Variants in AXDND1 observed in about 807,000 individuals in gnomAD.
AXDND1 encodes the protein axonemal dynein light chain domain-containing protein 1.
AXDND1 carries 110 observed loss-of-function variants against 137.5 expected under a neutral mutation model. The ratio of observed to expected loss-of-function variants is 0.80; its 90% confidence interval spans 0.69 to 0.94. The LOEUF (loss-of-function observed/expected upper bound fraction) is 0.94. Ranked by LOEUF, AXDND1 falls within the 40% of genes least tolerant of loss-of-function variation. The probability of loss-of-function intolerance (pLI) is 0.00; values close to 1 mark genes in which losing one functional copy is unlikely to be tolerated. For synonymous variants in AXDND1, 414 were observed against 399.7 expected, an observed-to-expected ratio of 1.04 and a Z score of -0.43; for missense variants, 1,191 against 1,169.8, an observed-to-expected ratio of 1.02 and a Z score of -0.26.
intron 15 of AXDND1, among the ~76,000 whole-genome samples, chr1:179,438,514 A>C (rs1658543201): frequency 6.6e-6 from 1 of 152,174 alleles, no homozygotes; most frequent in Non-Finnish European, 1.5e-5. Context: ...TCACAACAGA[A>C]GTTATTAGTG....
chr1:179,489,890 G>A (rs959598146), intron 18 of AXDND1, among the ~76,000 whole-genome samples: 2 of 151,716 alleles, frequency 1.3e-5, no homozygotes, highest in Non-Finnish European at 2.9e-5. Context: ...GACTATAGGC[G>A]CCCACCACCC....
In AXDND1 at chr1:179,488,970, T is replaced by A. The variant is rs184169509; in HGVS notation, c.2092-2568T>A. Among the ~76,000 whole-genome samples the A allele has an allele frequency of 6.0e-4, 88 of 145,622 alleles. 2 individuals carry two copies. The highest frequency in any genetic ancestry group is 9.4e-4 in the Non-Finnish European group (63 of 66,668). ...GGCTGGTCTTGAACTCCTGACCTCATGATCCACCTGTCTCGGCCTCCCAAA... is the reference window on the plus strand; with the variant it reads ...GGCTGGTCTTGAACTCCTGACCTCAAGATCCACCTGTCTCGGCCTCCCAAA... On this transcript the variant is annotated intron_variant, in intron 18 of 25. Transcript: ENST00000367618.
At chr1:179,548,807 T>A (rs945815558) in intron 25 of AXDND1, 41 of 152,236 alleles carry the variant, frequency 2.7e-4, no homozygotes, top group African/African-American at 9.7e-4. Flanking sequence ...ACACCACTGG[T>A]GAGCCATGGT....
chr1:179,435,363 A>G (rs1657992784), intron 15 of AXDND1, among the ~76,000 whole-genome samples: 1 of 152,196 alleles, frequency 6.6e-6, no homozygotes. Context: ...ATATGGAACC[A>G]AAAAAGAGCG....
intron 25 of AXDND1, among the ~76,000 whole-genome samples, chr1:179,537,452 A>C (rs1271085601): frequency 6.6e-6 from 1 of 152,152 alleles, no homozygotes; most frequent in African/African-American, 2.4e-5. Context: ...TGAGATAATC[A>C]TGTGGTTTTT....
At chr1:179,400,350 C>T (rs2125165864) in intron 11 of AXDND1, among the ~76,000 whole-genome samples, 2 of 152,096 alleles carry the variant, frequency 1.3e-5, no homozygotes, top group South Asian at 2.1e-4. Flanking sequence ...ATTGTATGTT[C>T]TCACTGATAC....
intron 6 of AXDND1, among the ~76,000 whole-genome samples, chr1:179,381,943 A>AATTTTTTTTTT (rs768004608): frequency 1.9e-5 from 2 of 105,434 alleles, no homozygotes; most frequent in Admixed American, 1.1e-4. Context: ...ACCACACCTA[A>AATTTTTTTTTT]TTTTTTTTTT....
At chr1:179,412,118 TG>T (rs1558140249) in intron 12 of AXDND1, among the ~76,000 whole-genome samples, 1 of 152,202 alleles carries the variant, frequency 6.6e-6, no homozygotes, top group African/African-American at 2.4e-5. Flanking sequence ...CTCAAAGTGC[TG>T]GGATTACATG....
chr1:179,469,253 G>A (rs1663624129), intron 17 of AXDND1, among the ~76,000 whole-genome samples: 1 of 152,154 alleles, frequency 6.6e-6, no homozygotes, highest in East Asian at 1.9e-4. Flanking sequence ...TTATTTGAAA[G>A]GAATCATTGT....
chr1:179,449,646 T>C (rs904388491), intron 16 of AXDND1: 3 of 152,002 alleles, frequency 2.0e-5, no homozygotes, highest in Non-Finnish European at 4.4e-5. Flanking sequence ...TCTATAAACA[T>C]GGATTTTTTT....
chr1:179,434,589 C>T (rs750320918), intron 15 of AXDND1, among the ~76,000 whole-genome samples: 1 of 152,124 alleles, frequency 6.6e-6, no homozygotes, highest in African/African-American at 2.4e-5. Flanking sequence ...TAAACAGAAC[C>T]AATGACAAAA....
At chr1:179,440,254 A>C (rs1213321511) in intron 15 of AXDND1, among the ~76,000 whole-genome samples, 1 of 152,232 alleles carries the variant, frequency 6.6e-6, no homozygotes, top group Admixed American at 6.5e-5. Context: ...TTTGAAAAGC[A>C]TACTAGTATA....
chr1:179,460,621 C>T (rs1307777472), intron 16 of AXDND1, among the ~76,000 whole-genome samples: 2 of 152,168 alleles, frequency 1.3e-5, no homozygotes, highest in Admixed American at 6.5e-5. Context: ...TGAGGAATCG[C>T]CACACTGTCT....
intron 21 of AXDND1, among the ~76,000 whole-genome samples, chr1:179,525,078 C>T (rs1235194624): frequency 6.6e-6 from 1 of 152,204 alleles, no homozygotes; most frequent in Non-Finnish European, 1.5e-5. Flanking sequence ...ACCTTCCTAA[C>T]CAACTCCCTC....
rs766094095 is a variant in AXDND1, at chr1:179,534,877, T to A, written c.2946T>A (p.Asp982Glu). The change falls in exon 25 of 26, where the codon GAT (aspartate) becomes GAA (glutamate). Residue 982 changes from aspartate to glutamate, a missense_variant. Coordinates refer to ENST00000367618, the MANE Select transcript of AXDND1 (RefSeq NM_144696.6). ...CTAAAGAAGAGAAAGAAAATCAAGA[T>A]GAAAGAGAAGTAAAAGAAGAAGAAG... ...KESKEEKENQDEREVKEEEEQ... is the reference protein window; with the variant it reads ...KESKEEKENQEEREVKEEEEQ... 2.5e-6 allele frequency: 4 copies of A among 1,605,844 alleles called. No individual in the cohort carries two copies. The highest frequency in any genetic ancestry group is 3.4e-6 in the Non-Finnish European group (4 of 1,177,274).
chr1:179,540,107 G>A (rs1252685819), intron 25 of AXDND1, among the ~76,000 whole-genome samples: 1 of 151,932 alleles, frequency 6.6e-6, no homozygotes, highest in Non-Finnish European at 1.5e-5. Context: ...CTTTTTTCAA[G>A]GTTTTTAGCT....
chr1:179,470,438 A>G (rs72721203), intron 17 of AXDND1, among the ~76,000 whole-genome samples: 9,557 of 152,264 alleles, frequency 0.063, 355 homozygotes, highest in African/African-American at 0.07. Context: ...AGTCTTCTAC[A>G]TGAACATGGG....
At chr1:179,488,634 C>CT (rs376189496) in intron 18 of AXDND1, among the ~76,000 whole-genome samples, 4,212 of 105,208 alleles carry the variant, frequency 0.04, 389 homozygotes, top group Non-Finnish European at 0.047. Flanking sequence ...CTCTCTCTCT[C>CT]CTTTCTTTCT....
At chr1:179,475,593 T>C (rs1035250664) in intron 17 of AXDND1, among the ~76,000 whole-genome samples, 15 of 152,260 alleles carry the variant, frequency 9.9e-5, no homozygotes, top group African/African-American at 3.4e-4. Context: ...ATCCAATGCC[T>C]CTACCTGCAT....
Sources: gnomAD v4.1 joint callset for allele counts (sites outside exome capture counted in the v4.1 genomes callset) on GRCh38, gnomAD v4.1.1 for gene constraint, MANE v1.5 for transcripts, NCBI Gene and HGNC (gene_info 2026-07-23, HGNC 2026-07-21) for gene names.